TAFA1: variants seen among roughly 807,000 people sequenced by gnomAD.
The protein encoded by TAFA1 is chemokine-like protein TAFA-1.
TAFA1 carries 4 observed loss-of-function variants against 18.5 expected under a neutral mutation model. The ratio of observed to expected loss-of-function variants is 0.22; its 90% CI spans 0.11 to 0.49. The LOEUF (loss-of-function observed/expected upper bound fraction) is 0.49, where lower values mean the gene tolerates loss of function less well. TAFA1 is among the 20% of genes least tolerant of loss of function. The pLI, the probability that TAFA1 is intolerant of heterozygous loss-of-function variation, is 0.98. For missense variants in TAFA1, 147 were observed against 169.0 expected (o/e 0.87, Z 0.72); for synonymous variants, 56 against 55.2 (o/e 1.01, Z -0.06).
chr3:68,255,504 G>A (rs1022411251), intron 2 of TAFA1, among the ~76,000 whole-genome samples: 1 of 151,996 alleles, frequency 6.6e-6, no homozygotes, highest in African/African-American at 2.4e-5. Flanking sequence ...TTCCTTCGAT[G>A]TGACATTTAT....
intron 2 of TAFA1, among the ~76,000 whole-genome samples, chr3:68,008,919 G>T (rs1704417469): frequency 6.6e-6 from 1 of 152,106 alleles, no homozygotes; most frequent in Admixed American, 6.5e-5. Context: ...AGATATGGTG[G>T]TTGGGGGCGG....
At chr3:68,455,914 G>A (rs918367757) in intron 3 of TAFA1, among the ~76,000 whole-genome samples, 13 of 152,136 alleles carry the variant, frequency 8.5e-5, no homozygotes, top group African/African-American at 2.4e-4. Context: ...AGAGTGTCAC[G>A]CTTAAGGAGC....
intron 2 of TAFA1, among the ~76,000 whole-genome samples, chr3:68,379,665 C>A (rs930104962): frequency 6.7e-6 from 1 of 148,542 alleles, no homozygotes; most frequent in Non-Finnish European, 1.5e-5. Flanking sequence ...TGTAGGTTGT[C>A]TTCCAGGGTT....
At chr3:68,280,423 C>T (rs919597490) in intron 2 of TAFA1, among the ~76,000 whole-genome samples, 5 of 152,082 alleles carry the variant, frequency 3.3e-5, no homozygotes, top group African/African-American at 4.8e-5. Flanking sequence ...GTTAGGCAGT[C>T]TCAACATTGT....
chr3:68,416,907 A>G (rs571914414), intron 2 of TAFA1, among the ~76,000 whole-genome samples: 92 of 152,296 alleles, frequency 6.0e-4, no homozygotes, highest in African/African-American at 2.0e-3. Flanking sequence ...TCACTTGTCA[A>G]TAGAACTCAG....
At chr3:68,118,627 T>A (rs2065351194) in intron 2 of TAFA1, among the ~76,000 whole-genome samples, 1 of 152,224 alleles carries the variant, frequency 6.6e-6, no homozygotes, top group Non-Finnish European at 1.5e-5. Context: ...CATGCAGTAT[T>A]TGTCTTTTTT....
chr3:68,032,265 A>C (rs1349048798), intron 2 of TAFA1, among the ~76,000 whole-genome samples: 1 of 152,198 alleles, frequency 6.6e-6, no homozygotes, highest in Non-Finnish European at 1.5e-5. Context: ...CAAGTGTACT[A>C]AAGTATGGAG....
intron 3 of TAFA1, among the ~76,000 whole-genome samples, chr3:68,435,136 T>C (rs2071248098): frequency 6.6e-6 from 1 of 152,070 alleles, no homozygotes; most frequent in African/African-American, 2.4e-5. Context: ...CTAGATGGCT[T>C]CTCATCAGAA....
chr3:68,034,618 T>C (rs1403057220), intron 2 of TAFA1, among the ~76,000 whole-genome samples: 1 of 152,238 alleles, frequency 6.6e-6, no homozygotes, highest in Non-Finnish European at 1.5e-5. Flanking sequence ...GCTTTAGTAC[T>C]TGTCTTCCTT....
At chr3:68,408,109 T>A (rs903261422) in intron 2 of TAFA1, among the ~76,000 whole-genome samples, 10 of 151,758 alleles carry the variant, frequency 6.6e-5, no homozygotes, top group Non-Finnish European at 1.5e-4. Context: ...AAAGTGACTC[T>A]GAAAAAAATT....
At chr3:68,273,297 T>C (rs1054543727) in intron 2 of TAFA1, among the ~76,000 whole-genome samples, 1 of 152,100 alleles carries the variant, frequency 6.6e-6, no homozygotes, top group African/African-American at 2.4e-5. Flanking sequence ...GGCTAAACTT[T>C]AGCAAGTCGG....
At chr3:68,283,419 G>T (rs1398643497) in intron 2 of TAFA1, among the ~76,000 whole-genome samples, 1 of 152,154 alleles carries the variant, frequency 6.6e-6, no homozygotes, top group Non-Finnish European at 1.5e-5. Flanking sequence ...CAATTAAAAA[G>T]ATTTTTAAAG....
At chr3:68,275,310 C>G (rs1225055329) in intron 2 of TAFA1, among the ~76,000 whole-genome samples, 1 of 151,852 alleles carries the variant, frequency 6.6e-6, no homozygotes, top group East Asian at 1.9e-4. Flanking sequence ...TGAAAGATGT[C>G]ATATTTAAAG....
intron 3 of TAFA1, among the ~76,000 whole-genome samples, chr3:68,503,029 C>A (rs1367604955): frequency 1.3e-5 from 2 of 152,012 alleles, no homozygotes; most frequent in African/African-American, 4.8e-5. Flanking sequence ...CCCAAGTATC[C>A]CTAATCCAAA....
chr3:68,309,899 G>A (rs2068486505), intron 2 of TAFA1, among the ~76,000 whole-genome samples: 1 of 152,112 alleles, frequency 6.6e-6, no homozygotes, highest in South Asian at 2.1e-4. Context: ...ATTCCTTTAT[G>A]TCAGTGGGAA....
rs978132993 is a variant in TAFA1, at chr3:68,455,296, G to A, written c.259+37876G>A. Among the ~76,000 whole-genome samples, 6 of 151,992 alleles carry A rather than the reference G, an allele frequency of 3.9e-5. No homozygotes were observed. The East Asian group carries it at 5.8e-4, about 15-fold the overall frequency. On this transcript the variant is annotated intron_variant, in intron 3 of 4. Coordinates refer to ENST00000478136, the MANE Select transcript of TAFA1 (RefSeq NM_213609.4). ...TGGAGGAGGTGGAATGGGGAGGCTG[G>A]AGAGGCAGGCATACTTGATGTAACT...
At chr3:68,159,646 C>T (rs778978576) in intron 2 of TAFA1, among the ~76,000 whole-genome samples, 1 of 152,194 alleles carries the variant, frequency 6.6e-6, no homozygotes, top group Non-Finnish European at 1.5e-5. Flanking sequence ...AATTCCAGAA[C>T]AGAACTCTCA....
chr3:68,529,766 A>T (rs1375704349), intron 3 of TAFA1, among the ~76,000 whole-genome samples: 1 of 152,126 alleles, frequency 6.6e-6, no homozygotes, highest in Non-Finnish European at 1.5e-5. Context: ...GGGAACTAAG[A>T]GGGTGAGAAT....
At chr3:68,013,698 T>A (rs1704515953) in intron 2 of TAFA1, among the ~76,000 whole-genome samples, 1 of 152,188 alleles carries the variant, frequency 6.6e-6, no homozygotes, top group African/African-American at 2.4e-5. Flanking sequence ...AGAAGATGAA[T>A]TTTGTTTAAA....
Sources: gnomAD v4.1 joint callset for allele counts (sites outside exome capture counted in the v4.1 genomes callset) on GRCh38, gnomAD v4.1.1 for gene constraint, MANE v1.5 for transcripts, NCBI Gene and HGNC (gene_info 2026-07-23, HGNC 2026-07-21) for gene names.